SRFBP1: variants seen among roughly 807,000 people sequenced by gnomAD.
SRFBP1 encodes the protein serum response factor binding protein 1.
In SRFBP1, 47 loss-of-function variants were observed where a neutral mutation model predicts 45.5. That is an observed-to-expected ratio of 1.03 (90% confidence interval 0.82 to 1.32). The LOEUF (loss-of-function observed/expected upper bound fraction) is 1.32. SRFBP1 is among the 40% of genes most tolerant of loss of function. The probability of loss-of-function intolerance (pLI) is 0.00; values close to 1 mark genes in which losing one functional copy is unlikely to be tolerated. For missense variants in SRFBP1, 621 were observed against 484.6 expected, an observed-to-expected ratio of 1.28 and a Z score of -2.64; for synonymous variants, 203 against 166.3, an observed-to-expected ratio of 1.22 and a Z score of -1.70.
At chr5:122,053,849 T>C (rs115422955) in intron 2 of SRFBP1, among the ~76,000 whole-genome samples, 2,368 of 152,126 alleles carry the variant, frequency 0.016, 53 homozygotes, top group South Asian at 0.097. Flanking sequence ...TCACATGCCC[T>C]GCCACCCAAG....
At position 122,020,486 on chromosome 5, in the gene SRFBP1, G is replaced by T. The variant is rs188297674; in HGVS notation, c.751G>T (p.Glu251Ter). The T allele has an allele frequency of 4.3e-6, 7 of 1,613,994 alleles. No individual in the cohort carries two copies. In the Admixed American group the frequency reaches 1.2e-4, roughly 27 times the overall value. Reference sequence around the variant, plus strand: ...ACTCTCTGGTAACAGTGATGGCGGAGAAGAATTTTGTGAAGAGGAGAAGGA... The same window carrying T: ...ACTCTCTGGTAACAGTGATGGCGGATAAGAATTTTGTGAAGAGGAGAAGGA... ...SSLSGNSDGGEEFCEEEKEYF... is the reference protein window; with the variant it reads ...SSLSGNSDGG Residue 251 changes from glutamate (E) to a stop codon, truncating the protein, a stop_gained, in exon 6 of 8, where the codon GAA (glutamate) becomes TAA (stop). Coordinates refer to ENST00000339397, the MANE Select transcript of SRFBP1 (RefSeq NM_152546.3). LOFTEE classifies it high-confidence loss of function.
chr5:122,048,407 G>T (rs1010665286), intron 2 of SRFBP1, among the ~76,000 whole-genome samples: 8 of 152,172 alleles, frequency 5.3e-5, no homozygotes, highest in African/African-American at 9.7e-5. Flanking sequence ...ACTTGATCAT[G>T]GTGGATAAGC....
intron 5 of SRFBP1, 122 bp downstream of exon 5, chr5:122,019,463 C>T (rs1029354743): frequency 7.6e-6 from 6 of 785,640 alleles, no homozygotes; most frequent in Non-Finnish European, 9.6e-6. Flanking sequence ...CAAATATTTA[C>T]CAGTGTGGAA....
chr5:121,990,609 GTTTCTAC>G (rs1752601486), intron 3 of SRFBP1, among the ~76,000 whole-genome samples: 1 of 152,104 alleles, frequency 6.6e-6, no homozygotes, highest in African/African-American at 2.4e-5. Context: ...CATTTAAAAT[GTTTCTAC>G]TCTGGTCCAG....
intron 7 of SRFBP1, 83 bp from the exon 8 acceptor site, chr5:122,026,859 A>G: frequency 4.1e-6 from 4 of 981,588 alleles, no homozygotes; most frequent in Non-Finnish European, 4.2e-6. Flanking sequence ...TTTTTTTAAC[A>G]TTGGTTTGAA....
At chr5:122,001,666 A>G (rs1020774642) in intron 4 of SRFBP1, among the ~76,000 whole-genome samples, 4 of 146,916 alleles carry the variant, frequency 2.7e-5, no homozygotes, top group Non-Finnish European at 1.5e-5. Context: ...GGTTCACGCC[A>G]TTCTCCTGCC....
At chr5:122,048,323 T>C (rs1467536275) in intron 2 of SRFBP1, among the ~76,000 whole-genome samples, 2 of 152,174 alleles carry the variant, frequency 1.3e-5, no homozygotes, top group Non-Finnish European at 1.5e-5. Context: ...TTGTCGTTGG[T>C]TCTGTTTATA....
chr5:122,042,160 C>A (rs1753784179), intron 2 of SRFBP1, among the ~76,000 whole-genome samples: 1 of 152,134 alleles, frequency 6.6e-6, no homozygotes, highest in Admixed American at 6.5e-5. Context: ...TTATCTGTTT[C>A]TATTTTAATC....
intron 2 of SRFBP1, among the ~76,000 whole-genome samples, chr5:122,049,866 A>C (rs1163936351): frequency 6.6e-6 from 1 of 152,220 alleles, no homozygotes; most frequent in Non-Finnish European, 1.5e-5. Context: ...TCTGGGACAC[A>C]TTCAAAGCAG....
At chr5:122,047,253 C>T (rs1458519263) in intron 2 of SRFBP1, among the ~76,000 whole-genome samples, 1 of 152,112 alleles carries the variant, frequency 6.6e-6, no homozygotes, top group Non-Finnish European at 1.5e-5. Context: ...CCAGTTTCAG[C>T]TTTCTACATA....
In SRFBP1 at chr5:122,011,856, A is replaced by G. The variant is rs17351420; in HGVS notation, c.271-7404A>G. 3.3e-5 allele frequency among the ~76,000 whole-genome samples: 5 copies of G among 152,184 alleles called. No individual in the cohort carries two copies. The South Asian group carries it at 8.3e-4, about 25-fold the overall frequency. On this transcript the variant is annotated intron_variant, in intron 4 of 7. Coordinates refer to ENST00000339397, the MANE Select transcript of SRFBP1 (RefSeq NM_152546.3). ...AACCCAGTGCAGTAAGCAAGGTGCA[A>G]ATATTATCTCAGTGCAACAGAGACC...
downstream of SRFBP1, chr5:122,077,782 G>A (rs201057539): frequency 5.1e-4 from 785 of 1,548,990 alleles, 2 homozygotes; most frequent in African/African-American, 9.5e-3. This position sits in a 1 kb window ranked among gnomAD's most constrained non-coding sequence, Gnocchi z 4.9. Context: ...GGTCCCGGCG[G>A]CGCTGAGGCT....
At position 121,961,989 on chromosome 5, in the gene SRFBP1, C is replaced by T. The variant is rs755615867; in HGVS notation, c.-44C>T. 9 of 1,613,154 alleles carry T rather than the reference C, an allele frequency of 5.6e-6. No homozygotes were observed. Among genetic ancestry groups the T allele is most frequent in the Admixed American group, 3.3e-5 (2 of 59,988 alleles). Reference sequence around the variant, plus strand: ...GCGACGCAGCCGCGGTCTGAGAGACCGGTTCACGTGCAGGCAGCGGCGGAT... The same window carrying T: ...GCGACGCAGCCGCGGTCTGAGAGACTGGTTCACGTGCAGGCAGCGGCGGAT... On this transcript the variant is annotated 5_prime_UTR_variant, in exon 1 of 8. Transcript: ENST00000339397.
At chr5:121,988,330 A>G (rs2112667793) in intron 3 of SRFBP1, among the ~76,000 whole-genome samples, 1 of 152,320 alleles carries the variant, frequency 6.6e-6, no homozygotes, top group East Asian at 1.9e-4. Context: ...AGGAGTCCCC[A>G]AGACCACTCT....
intron 4 of SRFBP1, among the ~76,000 whole-genome samples, chr5:122,013,018 C>T (rs1490609286): frequency 6.6e-6 from 1 of 152,098 alleles, no homozygotes; most frequent in South Asian, 2.1e-4. Flanking sequence ...CCACCTCTGA[C>T]TCTTGTTGTT....
chr5:121,970,646 T>A (rs1752169525), intron 1 of SRFBP1, among the ~76,000 whole-genome samples: 1 of 152,004 alleles, frequency 6.6e-6, no homozygotes, highest in African/African-American at 2.4e-5. Flanking sequence ...GGTTAACTTA[T>A]CTAGCAGGAA....
chr5:121,994,565 A>G (rs565863316), intron 3 of SRFBP1, 34 bp from the exon 4 acceptor site: 29 of 1,420,480 alleles, frequency 2.0e-5, no homozygotes, highest in East Asian at 1.8e-4. Context: ...AAATAGACAC[A>G]TAACTAAAAT....
At chr5:122,016,675 C>CT (rs1376375621) in intron 4 of SRFBP1, among the ~76,000 whole-genome samples, 1 of 152,206 alleles carries the variant, frequency 6.6e-6, no homozygotes, top group Non-Finnish European at 1.5e-5. Flanking sequence ...AGCAGCTCAG[C>CT]TTGTCACTAA....
intron 2 of SRFBP1, among the ~76,000 whole-genome samples, chr5:122,054,265 G>A (rs1303165843): frequency 6.6e-6 from 1 of 152,180 alleles, no homozygotes; most frequent in Admixed American, 6.5e-5. Flanking sequence ...GATCCATCTT[G>A]CACAGTTCCT....
Sources: gnomAD v4.1 joint callset for allele counts (sites outside exome capture counted in the v4.1 genomes callset) on GRCh38, gnomAD v4.1.1 for gene constraint, Gnocchi (gnomAD v3.1) non-coding constraint, MANE v1.5 for transcripts, NCBI Gene and HGNC (gene_info 2026-07-23, HGNC 2026-07-21) for gene names.